DMD: variants seen among roughly 807,000 people sequenced by gnomAD.
DMD encodes the protein dystrophin.
A neutral mutation model predicts 330.1 loss-of-function variants in DMD; 63 were observed. The observed-to-expected ratio is 0.19, with a 90% CI of 0.16 to 0.24. The LOEUF is 0.24. DMD is among the 10% of genes least tolerant of loss of function. DMD has a pLI of 1.00. For missense variants in DMD, 3,344 were observed against 2,684.1 expected, an observed-to-expected ratio of 1.25 and a Z score of -5.43; for synonymous variants, 1,223 against 959.8, an observed-to-expected ratio of 1.27 and a Z score of -5.07.
chrX:31,652,150 CT>C lies in DMD; in HGVS notation c.8027+5839del, dbSNP rs959405389. 8.9e-5 allele frequency among the ~76,000 whole-genome samples: 10 copies of C among 111,974 alleles called. No individual in the cohort carries two copies. The Admixed American group carries it at 9.5e-4, about 11-fold the overall frequency. On this transcript the variant is annotated intron_variant, in intron 54 of 78. Transcript: ENST00000357033. ...AACTTATTAGGACTCTCCTGGACTA[CT>C]TTTTCCCCCCCAATTATACATATGG... is the stretch of plus-strand genomic sequence containing the variant.
At chrX:32,801,947 C>A (rs1316464816) in intron 7 of DMD, among the ~76,000 whole-genome samples, 1 of 111,695 alleles carries the variant, frequency 9.0e-6, no homozygotes, top group Non-Finnish European at 1.9e-5. Flanking sequence ...TAGCATGATG[C>A]CTCCAGCTTT....
At chrX:32,753,180 C>T (rs1340340506) in intron 7 of DMD, among the ~76,000 whole-genome samples, 1 of 111,384 alleles carries the variant, frequency 9.0e-6, no homozygotes, top group Non-Finnish European at 1.9e-5. Flanking sequence ...ATTTCTTATT[C>T]CTCCAGATAC....
At chrX:32,845,119 T>C (rs1013668236) in intron 3 of DMD, among the ~76,000 whole-genome samples, 6 of 111,976 alleles carry the variant, frequency 5.4e-5, no homozygotes, top group Admixed American at 4.7e-4. Flanking sequence ...CTTCATTCTA[T>C]AGCCCAGTTG....
chrX:32,741,295 T>A (rs2069232427), intron 7 of DMD, among the ~76,000 whole-genome samples: 1 of 111,729 alleles, frequency 9.0e-6, no homozygotes, highest in South Asian at 3.8e-4. Context: ...TCAAAAGTTT[T>A]CATGAGATTA....
chrX:31,782,621 A>T (rs1396175240), intron 50 of DMD, among the ~76,000 whole-genome samples: 1 of 111,676 alleles, frequency 9.0e-6, no homozygotes, highest in Non-Finnish European at 1.9e-5. Flanking sequence ...TCTTATTTTA[A>T]GTCTCTACAT....
intron 19 of DMD, among the ~76,000 whole-genome samples, chrX:32,497,802 TC>T (rs781740828): frequency 9.0e-6 from 1 of 111,343 alleles, no homozygotes; most frequent in East Asian, 2.8e-4. Flanking sequence ...GTCCTAAAAC[TC>T]CACAATCTCA....
At chrX:32,739,287 G>A (rs2068922340) in intron 7 of DMD, among the ~76,000 whole-genome samples, 1 of 111,853 alleles carries the variant, frequency 8.9e-6, no homozygotes, top group African/African-American at 3.3e-5. Flanking sequence ...TGAGACAAGA[G>A]TAGTGATTTA....
chrX:31,377,684 C>G (rs2059948400), intron 60 of DMD, among the ~76,000 whole-genome samples: 2 of 111,805 alleles, frequency 1.8e-5, no homozygotes, highest in Admixed American at 1.9e-4. Context: ...TATTTGTAAA[C>G]TGGGAATTAC....
chrX:32,174,046 A>G (rs1309075061), intron 44 of DMD, among the ~76,000 whole-genome samples: 1 of 112,356 alleles, frequency 8.9e-6, no homozygotes, highest in East Asian at 2.8e-4. Context: ...CATTTCGGCA[A>G]AAAGTCTTCA....
intron 10 of DMD, 105 bp downstream of exon 10, chrX:32,644,859 A>G: frequency 1.0e-6 from 1 of 1,000,519 alleles, no homozygotes; most frequent in African/African-American, 1.9e-5. Flanking sequence ...CATAGTAACT[A>G]AATTTCCAAA....
intron 60 of DMD, among the ~76,000 whole-genome samples, chrX:31,385,223 C>T (rs1293454415): frequency 1.8e-5 from 2 of 111,373 alleles, no homozygotes; most frequent in African/African-American, 6.5e-5. Context: ...TGGATAAAGC[C>T]CAGAGCCATT....
chrX:32,790,266 C>T (rs2075719402), intron 7 of DMD, among the ~76,000 whole-genome samples: 1 of 112,037 alleles, frequency 8.9e-6, no homozygotes, highest in Non-Finnish European at 1.9e-5. Flanking sequence ...ATGAGGCACT[C>T]TATCCAGCTG....
At chrX:31,995,676 A>T (rs183203412) in intron 44 of DMD, among the ~76,000 whole-genome samples, 13 of 111,788 alleles carry the variant, frequency 1.2e-4, no homozygotes, top group Non-Finnish European at 2.3e-4. Context: ...ACTTTCCCTC[A>T]TGGGTAGTCA....
At chrX:32,731,506 A>C (rs189306323) in intron 7 of DMD, among the ~76,000 whole-genome samples, 3 of 112,332 alleles carry the variant, frequency 2.7e-5, no homozygotes, top group Middle Eastern at 9.1e-3. Flanking sequence ...AGATTTAAAT[A>C]TCCCTGTCTG....
At chrX:32,534,972 CAGAATA>C (rs2047820754) in intron 17 of DMD, among the ~76,000 whole-genome samples, 1 of 111,102 alleles carries the variant, frequency 9.0e-6, no homozygotes, top group Non-Finnish European at 1.9e-5. Context: ...CAGAAGATGT[CAGAATA>C]AGAATAATAT....
chrX:33,025,287 A>G (rs192318782), intron 1 of DMD, among the ~76,000 whole-genome samples: 2 of 111,699 alleles, frequency 1.8e-5, no homozygotes, highest in Admixed American at 1.9e-4. Context: ...CAGAGTGATA[A>G]GAAACTGAAA....
intron 50 of DMD, among the ~76,000 whole-genome samples, chrX:31,802,323 A>C (rs1273468035): frequency 1.8e-5 from 2 of 111,470 alleles, no homozygotes; most frequent in Non-Finnish European, 3.8e-5. Context: ...TTTGGATGAC[A>C]GTATTATTTA....
intron 7 of DMD, among the ~76,000 whole-genome samples, chrX:32,765,101 A>C (rs2072811205): frequency 9.1e-6 from 1 of 110,326 alleles, no homozygotes; most frequent in Admixed American, 9.7e-5. Flanking sequence ...AACTTTAGAG[A>C]AATTTCTGAT....
intron 7 of DMD, among the ~76,000 whole-genome samples, chrX:32,808,437 T>C (rs1460641465): frequency 9.0e-6 from 1 of 111,597 alleles, no homozygotes; most frequent in African/African-American, 3.3e-5. Context: ...TATATATCAC[T>C]TTTTAAACTT....
Sources: allele counts gnomAD v4.1 joint callset (sites outside exome capture counted in the v4.1 genomes callset), GRCh38; gene constraint gnomAD v4.1.1; transcripts MANE v1.5; gene names NCBI Gene and HGNC (gene_info 2026-07-23, HGNC 2026-07-21).